MIPEP: variants seen among roughly 807,000 people sequenced by gnomAD.
The protein encoded by MIPEP is mitochondrial intermediate peptidase.
Under a neutral mutation model 90.3 loss-of-function variants are expected in MIPEP, and 79 were observed. The ratio of observed to expected loss-of-function variants is 0.87; its 90% CI spans 0.73 to 1.05. MIPEP has a LOEUF of 1.05. Ranked by LOEUF, MIPEP falls within the 50% of genes least tolerant of loss-of-function variation. The pLI, the probability that MIPEP is intolerant of heterozygous loss-of-function variation, is 0.00. For missense variants in MIPEP, 940 were observed against 905.6 expected (o/e 1.04, Z -0.49); for synonymous variants, 334 against 315.8 (o/e 1.06, Z -0.61).
At chr13:23,745,659 G>T (rs529889943) in intron 18 of MIPEP, among the ~76,000 whole-genome samples, 1 of 152,276 alleles carries the variant, frequency 6.6e-6, no homozygotes, top group East Asian at 1.9e-4. Flanking sequence ...CAGGTGCAGT[G>T]GCTCATGTCT....
intron 14 of MIPEP, among the ~76,000 whole-genome samples, chr13:23,814,670 C>G (rs1035520241): frequency 6.6e-6 from 1 of 152,190 alleles, no homozygotes; most frequent in Admixed American, 6.5e-5. Context: ...CAAGAAACAT[C>G]AGGACTGGAG....
At chr13:23,735,565 A>C (rs1952253259) in intron 18 of MIPEP, among the ~76,000 whole-genome samples, 1 of 149,280 alleles carries the variant, frequency 6.7e-6, no homozygotes, top group Non-Finnish European at 1.5e-5. Flanking sequence ...CCTTCCCAGC[A>C]GACAGGCCCA....
At chr13:23,815,436 CT>C (rs1166282151) in intron 14 of MIPEP, among the ~76,000 whole-genome samples, 2 of 152,098 alleles carry the variant, frequency 1.3e-5, no homozygotes, top group Non-Finnish European at 2.9e-5. Flanking sequence ...CCCACCTCAG[CT>C]TCCCAAGTAG....
chr13:23,751,969 CA>C (rs1210344273), intron 18 of MIPEP, among the ~76,000 whole-genome samples: 3 of 151,848 alleles, frequency 2.0e-5, no homozygotes, highest in Non-Finnish European at 4.4e-5. Context: ...CATCAGGGCC[CA>C]AGACCCACAT....
intron 16 of MIPEP, among the ~76,000 whole-genome samples, chr13:23,774,184 A>G (rs1280881286): frequency 6.6e-6 from 1 of 152,010 alleles, no homozygotes; most frequent in African/African-American, 2.4e-5. Flanking sequence ...CGAAAGGACA[A>G]TTCTTTCCCC....
chr13:23,772,038 C>T lies in MIPEP; in HGVS notation c.1849-11821G>A, dbSNP rs1431914193. On this transcript the variant is annotated intron_variant, in intron 16 of 18. Coordinates refer to ENST00000382172, the MANE Select transcript of MIPEP (RefSeq NM_005932.4). ...AAAAACAACTTCACCTCCAGGAATC[C>T]GTAACAACTGCCCCCCCACTTCCCA... Among the ~76,000 whole-genome samples the T allele has an allele frequency of 2.0e-5, 3 of 149,282 alleles. No homozygotes were observed. In the East Asian group the frequency reaches 5.8e-4, roughly 29 times the overall value.
intron 16 of MIPEP, among the ~76,000 whole-genome samples, chr13:23,804,920 C>T (rs1184065892): frequency 6.6e-6 from 1 of 152,144 alleles, no homozygotes; most frequent in Admixed American, 6.5e-5. Flanking sequence ...AGAAGGACAT[C>T]GACCTGAACC....
At chr13:23,869,531 C>T in intron 6 of MIPEP, 83 bp from the exon 7 acceptor site, 1 of 1,240,592 alleles carries the variant, frequency 8.1e-7, no homozygotes, top group Non-Finnish European at 1.1e-6. Context: ...ATGCTCACCA[C>T]TTGATCTGCA....
At chr13:23,862,137 G>A (rs747800496) in intron 9 of MIPEP, among the ~76,000 whole-genome samples, 165 bp downstream of exon 9, 12 of 151,980 alleles carry the variant, frequency 7.9e-5, no homozygotes, top group Non-Finnish European at 1.6e-4. Context: ...ATCAGTTTGG[G>A]ACATAAGAAT....
At position 23,889,289 on chromosome 13, in the gene MIPEP, C is replaced by G. The variant is rs1267877286; in HGVS notation, c.32G>C (p.Gly11Ala). 2 of 1,362,094 alleles carry G rather than the reference C, an allele frequency of 1.5e-6. No individual in the cohort carries two copies. Among genetic ancestry groups the G allele is most frequent in the Admixed American group, 7.7e-5 (2 of 26,102 alleles). The allele number at this position is 1,362,094 out of a possible 1,614,324, so 84.4% of individuals were successfully genotyped here. A position where few individuals can be genotyped will look rare whatever the true frequency, so the allele number is the denominator to read the frequency against. ...GGGCGGCAGAGCTGCTGCTCTGGCTCCCAAGCCGCCCAGCCTTCCGACGCA... is the reference window on the plus strand; with the variant it reads ...GGGCGGCAGAGCTGCTGCTCTGGCTGCCAAGCCGCCCAGCCTTCCGACGCA... Reference protein sequence around the residue: MLCVGRLGGLGARAAALPPRR... With the variant: MLCVGRLGGLAARAAALPPRR... The change falls in exon 1 of 19, where the codon GGA (glycine) becomes GCA (alanine). Residue 11 changes from glycine (G) to alanine (A), a missense_variant. Transcript: ENST00000382172.
intron 14 of MIPEP, among the ~76,000 whole-genome samples, chr13:23,817,964 T>C (rs1319201865): frequency 1.3e-5 from 2 of 149,736 alleles, no homozygotes; most frequent in African/African-American, 5.1e-5. Flanking sequence ...TAAGGAAAAA[T>C]GAAAGCAGAA....
At chr13:23,856,142 A>G (rs1870036158) in intron 10 of MIPEP, among the ~76,000 whole-genome samples, 1 of 152,256 alleles carries the variant, frequency 6.6e-6, no homozygotes, top group Non-Finnish European at 1.5e-5. Context: ...TAGCAGGTCA[A>G]CTGTGTAGCA....
intron 18 of MIPEP, among the ~76,000 whole-genome samples, chr13:23,734,411 C>T (rs1454841749): frequency 2.6e-5 from 4 of 152,066 alleles, no homozygotes; most frequent in East Asian, 1.9e-4. Flanking sequence ...GTGCGTTGGC[C>T]GAGAAAGGAA....
At chr13:23,877,285 T>C (rs998433692) in intron 4 of MIPEP, among the ~76,000 whole-genome samples, 7 of 152,222 alleles carry the variant, frequency 4.6e-5, no homozygotes, top group African/African-American at 1.7e-4. Context: ...ATACAGCATG[T>C]TTCTCCATTT....
chr13:23,775,940 A>G (rs973735125), intron 16 of MIPEP, among the ~76,000 whole-genome samples: 3 of 152,246 alleles, frequency 2.0e-5, no homozygotes, highest in African/African-American at 7.2e-5. Flanking sequence ...TGCTGAGAGA[A>G]GAATAAAATG....
chr13:23,818,302 C>G (rs548839400), intron 14 of MIPEP, among the ~76,000 whole-genome samples: 202 of 152,110 alleles, frequency 1.3e-3, no homozygotes, highest in Non-Finnish European at 2.4e-3. Flanking sequence ...TGCCTGTAAT[C>G]CCAGCTACTC....
chr13:23,857,280 T>G (rs1010614681), intron 10 of MIPEP, among the ~76,000 whole-genome samples: 3 of 152,198 alleles, frequency 2.0e-5, no homozygotes, highest in Non-Finnish European at 2.9e-5. Context: ...ACCAAATTAT[T>G]ATAGACTTTG....
At chr13:23,858,517 T>C (rs993389157) in intron 10 of MIPEP, among the ~76,000 whole-genome samples, 3 of 146,318 alleles carry the variant, frequency 2.1e-5, no homozygotes, top group Non-Finnish European at 3.0e-5. Context: ...TACCACGCCA[T>C]GTACCACTTT....
intron 14 of MIPEP, among the ~76,000 whole-genome samples, chr13:23,831,383 C>CCGGGGGGGGGGGGGG (rs58008469): frequency 2.4e-5 from 1 of 40,852 alleles, no homozygotes; most frequent in African/African-American, 8.4e-5. Context: ...TTCCCCATGG[C>CCGGGGGGGGGGGGGG]GGGGGGGGGA....
Sources: allele counts gnomAD v4.1 joint callset (sites outside exome capture counted in the v4.1 genomes callset), GRCh38; gene constraint gnomAD v4.1.1; transcripts MANE v1.5; gene names NCBI Gene and HGNC (gene_info 2026-07-23, HGNC 2026-07-21).